TENM3: variants seen among roughly 807,000 people sequenced by gnomAD.
The protein encoded by TENM3 is teneurin-3.
TENM3 carries 63 observed loss-of-function variants against 255.1 expected under a neutral mutation model. The ratio of observed to expected loss-of-function variants is 0.25; its 90% CI spans 0.20 to 0.30. TENM3 has a LOEUF of 0.30. TENM3 is among the 10% of genes least tolerant of loss of function. TENM3 has a pLI of 1.00. For synonymous variants in TENM3, 1,306 were observed against 1,322.3 expected, an observed-to-expected ratio of 0.99 and a Z score of 0.27; for missense variants, 2,929 against 3,461.1, an observed-to-expected ratio of 0.85 and a Z score of 3.86.
intron 4 of TENM3, among the ~76,000 whole-genome samples, chr4:182,621,344 C>T (rs938222491): frequency 4.6e-5 from 7 of 151,798 alleles, no homozygotes; most frequent in East Asian, 1.9e-4. Flanking sequence ...TTATTATGCA[C>T]GTACATCACC....
chr4:182,776,499 G>C (rs907428978), intron 24 of TENM3, among the ~76,000 whole-genome samples: 2 of 152,178 alleles, frequency 1.3e-5, no homozygotes, highest in Non-Finnish European at 2.9e-5. Context: ...GGATAGGAAA[G>C]GGCTGTTGAG....
chr4:181,785,801 T>A, the TENM3 span, among the ~76,000 whole-genome samples: 1 of 145,014 alleles, frequency 6.9e-6, no homozygotes, highest in Non-Finnish European at 1.5e-5. Context: ...TTTTTCTGTC[T>A]TGTCACACAC....
chr4:182,269,489 T>C (rs532287628), intron 1 of TENM3, among the ~76,000 whole-genome samples: 2 of 152,280 alleles, frequency 1.3e-5, no homozygotes, highest in African/African-American at 2.4e-5. Flanking sequence ...AGACGATCAC[T>C]GAGAGAAGAT....
chr4:182,283,702 C>T (rs17072964), intron 1 of TENM3, among the ~76,000 whole-genome samples: 4,447 of 152,088 alleles, frequency 0.029, 220 homozygotes, highest in African/African-American at 0.1. Flanking sequence ...TTTGATACTG[C>T]GGTGGATGTG....
chr4:181,874,264 A>G, the TENM3 span, among the ~76,000 whole-genome samples: 10 of 152,196 alleles, frequency 6.6e-5, no homozygotes, highest in Non-Finnish European at 1.2e-4. Flanking sequence ...CTGGTTGATC[A>G]TGTGGTTGAC....
At chr4:181,632,121 G>T in the TENM3 span, among the ~76,000 whole-genome samples, 1 of 152,140 alleles carries the variant, frequency 6.6e-6, no homozygotes, top group Non-Finnish European at 1.5e-5. Context: ...GAAGAAAAGA[G>T]GTTTAATTGA....
At chr4:182,324,734 CCT>C (rs1390639076) in intron 2 of TENM3, among the ~76,000 whole-genome samples, 1 of 152,212 alleles carries the variant, frequency 6.6e-6, no homozygotes, top group Non-Finnish European at 1.5e-5. Context: ...CTGCTGTTTG[CCT>C]CTGTCTGATT....
At chr4:181,760,206 A>T in the TENM3 span, among the ~76,000 whole-genome samples, 2 of 152,174 alleles carry the variant, frequency 1.3e-5, no homozygotes, top group Non-Finnish European at 2.9e-5. Context: ...CCTCCAAAAA[A>T]AAAATCTCCA....
chr4:182,085,642 C>T, the TENM3 span, among the ~76,000 whole-genome samples: 1 of 152,128 alleles, frequency 6.6e-6, no homozygotes, highest in Admixed American at 6.6e-5. Context: ...CTGTGCAATG[C>T]TCATGTAGGA....
chr4:182,189,378 C>A (rs770573391), intron 1 of TENM3, among the ~76,000 whole-genome samples: 2 of 151,964 alleles, frequency 1.3e-5, no homozygotes, highest in Non-Finnish European at 2.9e-5. Context: ...AATGAGTGGA[C>A]GATTTTCACT....
the TENM3 span, among the ~76,000 whole-genome samples, chr4:181,806,354 AC>A: frequency 7.2e-5 from 11 of 152,316 alleles, no homozygotes; most frequent in Middle Eastern, 3.4e-3. Context: ...CGACTGTGCT[AC>A]CTGTCTCTTG....
chr4:181,893,981 T>C, the TENM3 span, among the ~76,000 whole-genome samples: 12 of 151,756 alleles, frequency 7.9e-5, no homozygotes, highest in African/African-American at 2.4e-4. Context: ...GTTTTATATG[T>C]AGGAGGGAAA....
chr4:181,731,495 G>A, the TENM3 span, among the ~76,000 whole-genome samples: 1 of 152,036 alleles, frequency 6.6e-6, no homozygotes, highest in Non-Finnish European at 1.5e-5. Context: ...GGGATTATAG[G>A]CATTTGCCAC....
chr4:181,862,780 T>C, the TENM3 span, among the ~76,000 whole-genome samples: 2 of 152,186 alleles, frequency 1.3e-5, no homozygotes, highest in African/African-American at 4.8e-5. Context: ...TAGACTATTA[T>C]GTCCAGTTTA....
chr4:181,912,459 G>A, the TENM3 span, among the ~76,000 whole-genome samples: 3,061 of 152,218 alleles, frequency 0.02, 91 homozygotes, highest in African/African-American at 0.065. Flanking sequence ...CTGAAGAACC[G>A]TTGCTCAGGA....
chr4:181,719,074 C>A, the TENM3 span, among the ~76,000 whole-genome samples: 1 of 151,184 alleles, frequency 6.6e-6, no homozygotes, highest in Non-Finnish European at 1.5e-5. Flanking sequence ...GGCGCGGTGG[C>A]GGGCGCCTGT....
At chr4:181,961,093 G>A in the TENM3 span, among the ~76,000 whole-genome samples, 1 of 152,150 alleles carries the variant, frequency 6.6e-6, no homozygotes, top group Admixed American at 6.5e-5. Flanking sequence ...AAGAAAATGT[G>A]GAAGCAATTA....
chr4:181,738,506 A>T, the TENM3 span, among the ~76,000 whole-genome samples: 1 of 152,120 alleles, frequency 6.6e-6, no homozygotes, highest in Non-Finnish European at 1.5e-5. Context: ...TGAAAGCAGA[A>T]ATGTTGTACC....
the TENM3 span, among the ~76,000 whole-genome samples, chr4:181,488,835 G>A: frequency 6.6e-6 from 1 of 152,050 alleles, no homozygotes; most frequent in Non-Finnish European, 1.5e-5. Flanking sequence ...AAATAATACC[G>A]CTTGTTAAAT....
Sources: allele counts gnomAD v4.1 joint callset (sites outside exome capture counted in the v4.1 genomes callset), GRCh38; gene constraint gnomAD v4.1.1; transcripts MANE v1.5; gene names NCBI Gene and HGNC (gene_info 2026-07-23, HGNC 2026-07-21).